CERS3: variants seen among roughly 807,000 people sequenced by gnomAD.
CERS3 encodes the protein ceramide synthase 3, also known as LAG1 homolog, ceramide synthase 3.
Under a neutral mutation model 50.3 loss-of-function variants are expected in CERS3, and 33 were observed. That is an observed-to-expected ratio of 0.66 (90% CI 0.50 to 0.88). The LOEUF is 0.88. Among genes scored for constraint, CERS3 ranks in the 40% least tolerant of loss-of-function variants. The pLI, the probability that CERS3 is intolerant of heterozygous loss-of-function variation, is 0.00. For missense variants in CERS3, 470 were observed against 460.3 expected, an observed-to-expected ratio of 1.02 and a Z score of -0.19; for synonymous variants, 176 against 155.2, an observed-to-expected ratio of 1.13 and a Z score of -0.99.
chr15:100,512,001 CGT>C lies in CERS3; in HGVS notation c.-2+9664_-2+9665del, dbSNP rs1411669573. Among the ~76,000 whole-genome samples, 18 of 25,434 alleles carry C rather than the reference CGT, an allele frequency of 7.1e-4. 1 individual carries two copies. Among genetic ancestry groups the C allele is most frequent in the Admixed American group, 9.0e-4 (3 of 3,338 alleles). 16.7% of individuals were successfully genotyped at this position (25,434 alleles called of 152,430 possible). A position where few individuals can be genotyped will look rare whatever the true frequency, so the allele number is the denominator to read the frequency against. On this transcript the variant is annotated intron_variant, in intron 2 of 11. Transcript: ENST00000679737. ...TGTTACATGCCCTGGAGAGGAGCAT[CGT>C]AAGTCCATTGGGAGCCTGGGTTTCC...
chr15:100,430,041 G>A (rs2033034845), intron 11 of CERS3, among the ~76,000 whole-genome samples: 1 of 151,840 alleles, frequency 6.6e-6, no homozygotes, highest in Non-Finnish European at 1.5e-5. Context: ...AGCCGGGCGC[G>A]GTGGCTCACA....
chr15:100,508,831 A>C (rs1435173051), intron 2 of CERS3, among the ~76,000 whole-genome samples: 2 of 152,054 alleles, frequency 1.3e-5, no homozygotes, highest in African/African-American at 4.8e-5. Context: ...TCAGCTACTC[A>C]AGGCCCCTTT....
At position 100,501,574 on chromosome 15, in the gene CERS3, T is replaced by TTTAAGGTTG. The variant is rs1364171817; in HGVS notation, c.173+102_173+103insCAACCTTAA. 445 of 1,027,846 alleles carry TTTAAGGTTG rather than the reference T, an allele frequency of 4.3e-4. 2 individuals carry two copies. The African/African-American group carries it at 6.1e-3, about 14-fold the overall frequency. The allele number at this position is 1,027,846 out of a possible 1,614,324, so 63.7% of individuals were successfully genotyped here. A position where few individuals can be genotyped will look rare whatever the true frequency, so the allele number is the denominator to read the frequency against. ...TCTGTGGCCCATTAGTGGCAACCTC[T>TTTAAGGTTG]GAACAACAGATTCTTTAAGGATCTC... On this transcript the variant is annotated intron_variant, in intron 3 of 11. Transcript: ENST00000679737.
chr15:100,447,712 T>A (rs2033996086), intron 11 of CERS3, among the ~76,000 whole-genome samples: 1 of 152,202 alleles, frequency 6.6e-6, no homozygotes, highest in African/African-American at 2.4e-5. Flanking sequence ...TAATTTCTCT[T>A]TTTAGCTTTT....
At chr15:100,472,793 A>C in intron 9 of CERS3, 131 bp downstream of exon 9, 1 of 1,007,996 alleles carries the variant, frequency 9.9e-7, no homozygotes, top group Non-Finnish European at 1.6e-6. Flanking sequence ...CTGGGAATCT[A>C]GAGATATTCT....
chr15:100,502,690 C>T (rs1324354891), intron 2 of CERS3, among the ~76,000 whole-genome samples: 5 of 152,160 alleles, frequency 3.3e-5, no homozygotes, highest in Non-Finnish European at 7.3e-5. Flanking sequence ...TGTGAAGAGC[C>T]GTGCTGAGCA....
intron 11 of CERS3, among the ~76,000 whole-genome samples, chr15:100,442,364 G>T (rs1305519411): frequency 2.6e-5 from 4 of 152,134 alleles, no homozygotes; most frequent in Non-Finnish European, 5.9e-5. Flanking sequence ...CCCACAACAG[G>T]ATTTAATTAA....
At chr15:100,543,520 C>T (rs1246901305) in intron 1 of CERS3, among the ~76,000 whole-genome samples, 1 of 144,978 alleles carries the variant, frequency 6.9e-6, no homozygotes, top group East Asian at 2.0e-4. Context: ...TCCTCTCCCT[C>T]CTTCCTTTCT....
chr15:100,470,029 C>A (rs1050734393), intron 9 of CERS3, among the ~76,000 whole-genome samples: 3 of 152,154 alleles, frequency 2.0e-5, no homozygotes, highest in Non-Finnish European at 4.4e-5. Flanking sequence ...TTTCCTAATT[C>A]TTTTATGCTA....
At chr15:100,542,668 C>T (rs890315155) in intron 1 of CERS3, among the ~76,000 whole-genome samples, 23 of 152,086 alleles carry the variant, frequency 1.5e-4, no homozygotes, top group African/African-American at 4.3e-4. Context: ...CCATAGGGCA[C>T]TTTCTGTATA....
At position 100,540,908 on chromosome 15, in the gene CERS3, C is replaced by G. The variant is rs1019043188; in HGVS notation, c.-355+3743G>C. 3.3e-5 allele frequency among the ~76,000 whole-genome samples: 5 copies of G among 152,188 alleles called. 1 individual carries two copies. The highest frequency in any genetic ancestry group is 1.2e-4 in the African/African-American group (5 of 41,452). On this transcript the variant is annotated intron_variant, in intron 1 of 12. Transcript: ENST00000284382. ...CTTTGTTTCAAGCTACGTATACTTTCTCCTGCTGTTCTTCCTTCTTTCTTT... is the reference window on the plus strand; with the variant it reads ...CTTTGTTTCAAGCTACGTATACTTTGTCCTGCTGTTCTTCCTTCTTTCTTT...
At chr15:100,436,535 A>T (rs549691351) in intron 11 of CERS3, among the ~76,000 whole-genome samples, 2 of 152,080 alleles carry the variant, frequency 1.3e-5, no homozygotes, top group Admixed American at 6.6e-5. Context: ...AGGCTTAAAA[A>T]CTAGGTGATG....
At chr15:100,433,682 T>A (rs1567611225) in intron 11 of CERS3, among the ~76,000 whole-genome samples, 1 of 152,126 alleles carries the variant, frequency 6.6e-6, no homozygotes, top group Non-Finnish European at 1.5e-5. Context: ...GCCCAGGGTA[T>A]CCCCAGATCC....
intron 11 of CERS3, among the ~76,000 whole-genome samples, chr15:100,413,772 A>G (rs2031675164): frequency 1.2e-5 from 1 of 82,272 alleles, no homozygotes; most frequent in Admixed American, 1.2e-4. Context: ...CAGAAATACA[A>G]GAAAAAAAAA....
At chr15:100,499,301 C>T (rs1050328252) in intron 3 of CERS3, among the ~76,000 whole-genome samples, 4 of 152,064 alleles carry the variant, frequency 2.6e-5, no homozygotes, top group Non-Finnish European at 5.9e-5. Flanking sequence ...TAAAAGAATG[C>T]ACAGAAGATA....
At chr15:100,430,009 TG>T (rs1567608200) in intron 11 of CERS3, among the ~76,000 whole-genome samples, 2 of 151,818 alleles carry the variant, frequency 1.3e-5, no homozygotes, top group East Asian at 3.9e-4. Context: ...TCCTCAAAAA[TG>T]ATTGCAAGAA....
intron 11 of CERS3, among the ~76,000 whole-genome samples, chr15:100,436,641 A>T (rs928003816): frequency 6.6e-5 from 10 of 152,314 alleles, no homozygotes; most frequent in African/African-American, 2.4e-4. Flanking sequence ...AGTAAAATAA[A>T]TAAATAAATA....
At chr15:100,448,727 T>G (rs79902077) in intron 11 of CERS3, among the ~76,000 whole-genome samples, 2,585 of 152,340 alleles carry the variant, frequency 0.017, 32 homozygotes, top group East Asian at 0.034. Context: ...TGGCTGGCTG[T>G]TGCTACCAGG....
chr15:100,463,756 G>T (rs1340079377), intron 10 of CERS3, among the ~76,000 whole-genome samples: 1 of 152,150 alleles, frequency 6.6e-6, no homozygotes, highest in Non-Finnish European at 1.5e-5. Flanking sequence ...GAGTGGCCCA[G>T]CTTCAACAGA....
Sources: allele counts gnomAD v4.1 joint callset (sites outside exome capture counted in the v4.1 genomes callset), GRCh38; gene constraint gnomAD v4.1.1; transcripts MANE v1.5; gene names NCBI Gene and HGNC (gene_info 2026-07-23, HGNC 2026-07-21).